Variants in ANKS1B observed in about 807,000 individuals in gnomAD.
The protein encoded by ANKS1B is ankyrin repeat and sterile alpha motif domain containing 1B.
ANKS1B carries 36 observed loss-of-function variants against 148.3 expected under a neutral mutation model. That is an observed-to-expected ratio of 0.24 (90% CI 0.19 to 0.32). The LOEUF is 0.32. Among genes scored for constraint, ANKS1B ranks in the 10% least tolerant of loss-of-function variants. The pLI is 1.00. For missense variants in ANKS1B, 1,157 were observed against 1,542.6 expected (o/e 0.75, Z 4.19); for synonymous variants, 542 against 560.8 (o/e 0.97, Z 0.47).
At chr12:99,394,531 C>A (rs557376143) in intron 12 of ANKS1B, among the ~76,000 whole-genome samples, 1 of 152,020 alleles carries the variant, frequency 6.6e-6, no homozygotes, top group African/African-American at 2.4e-5. Flanking sequence ...GTGACCCCCC[C>A]ACCCCCAATA....
At chr12:98,901,753 A>G (rs1027542653) in intron 17 of ANKS1B, among the ~76,000 whole-genome samples, 6 of 152,154 alleles carry the variant, frequency 3.9e-5, no homozygotes, top group Non-Finnish European at 7.4e-5. Context: ...TTCTCTCTCA[A>G]TGGAATCAAG....
At chr12:99,801,061 T>C (rs1255873403) in intron 4 of ANKS1B, among the ~76,000 whole-genome samples, 1 of 152,170 alleles carries the variant, frequency 6.6e-6, no homozygotes, top group Non-Finnish European at 1.5e-5. Context: ...TATGACTTTG[T>C]ACTTCTTTCC....
intron 16 of ANKS1B, among the ~76,000 whole-genome samples, chr12:99,076,034 G>T (rs1246557584): frequency 1.3e-5 from 2 of 151,856 alleles, no homozygotes; most frequent in Non-Finnish European, 2.9e-5. Flanking sequence ...GAGGGCAAGG[G>T]CTTCATCTAT....
intron 10 of ANKS1B, among the ~76,000 whole-genome samples, chr12:99,472,711 T>C (rs991844692): frequency 3.3e-5 from 5 of 152,022 alleles, no homozygotes; most frequent in African/African-American, 1.2e-4. Context: ...GACTAATAAA[T>C]CACTGAACAG....
chr12:99,237,897 A>G (rs2088329419), intron 14 of ANKS1B, among the ~76,000 whole-genome samples: 1 of 152,228 alleles, frequency 6.6e-6, no homozygotes, highest in South Asian at 2.1e-4. Context: ...GACTACAGGC[A>G]CATGCCTAGC....
At chr12:99,528,765 A>T (rs1467533737) in intron 9 of ANKS1B, among the ~76,000 whole-genome samples, 3 of 148,718 alleles carry the variant, frequency 2.0e-5, no homozygotes. Context: ...AGCTAAAACA[A>T]TAAACAAAGG....
At position 98,801,389 on chromosome 12, in the gene ANKS1B, G is replaced by A. The variant is rs1389872106; in HGVS notation, c.3142-264C>T. Reference sequence around the variant, plus strand: ...GCTAAGTCACTTTAAAATAAAACATGAAGATATTCATAAATGATTTACTAA... The same window carrying A: ...GCTAAGTCACTTTAAAATAAAACATAAAGATATTCATAAATGATTTACTAA... On this transcript the variant is annotated intron_variant, in intron 20 of 26. Coordinates refer to ENST00000683438, the MANE Select transcript of ANKS1B (RefSeq NM_001352186.2). The surrounding 1 kb of genome is among the most constrained non-coding windows in gnomAD (Gnocchi z 5.2). 1.3e-5 allele frequency among the ~76,000 whole-genome samples: 2 copies of A among 152,126 alleles called. No homozygotes were observed. Among genetic ancestry groups the A allele is most frequent in the African/African-American group, 4.8e-5 (2 of 41,432 alleles).
intron 16 of ANKS1B, among the ~76,000 whole-genome samples, chr12:99,080,380 T>G (rs1482828909): frequency 6.6e-6 from 1 of 152,124 alleles, no homozygotes; most frequent in East Asian, 1.9e-4. Context: ...CTCAAGCCCT[T>G]GAGGGATTAG....
Position 99,154,333 on chromosome 12 carries a change from C to T in ANKS1B, c.2482G>A (p.Glu828Lys), listed in dbSNP as rs768871927. ...AATCCATTAGCCATCAGGTGGTTCT[C>T]GTACTGAGGTAGCCCAATGCTTTCC... Reference protein sequence around the residue: ...WLESIGLPQYENHLMANGFDN... With the variant: ...WLESIGLPQYKNHLMANGFDN... Residue 828 changes from glutamate (E) to lysine (K), a missense_variant, in exon 15 of 27, where the codon GAG (glutamate) becomes AAG (lysine). By Grantham distance (56) the Glu-to-Lys change is moderately conservative. Coordinates refer to ENST00000683438, the MANE Select transcript of ANKS1B (RefSeq NM_001352186.2). 5 of 1,613,750 alleles carry T rather than the reference C, an allele frequency of 3.1e-6. No individual in the cohort carries two copies. Among genetic ancestry groups the T allele is most frequent in the Admixed American group, 3.3e-5 (2 of 60,006 alleles).
At chr12:99,134,643 T>TCACA (rs1344848028) in intron 15 of ANKS1B, among the ~76,000 whole-genome samples, 46 of 83,156 alleles carry the variant, frequency 5.5e-4, no homozygotes, top group Non-Finnish European at 8.6e-4. Flanking sequence ...TCTCTCTCTC[T>TCACA]CTCACACACA....
intron 14 of ANKS1B, among the ~76,000 whole-genome samples, chr12:99,180,061 A>G (rs1404256266): frequency 6.6e-6 from 1 of 151,608 alleles, no homozygotes; most frequent in Non-Finnish European, 1.5e-5. Flanking sequence ...GTTTTTGTTC[A>G]TGCTATCCTT....
chr12:99,413,828 C>T (rs2094801458), intron 11 of ANKS1B, among the ~76,000 whole-genome samples: 1 of 152,168 alleles, frequency 6.6e-6, no homozygotes, highest in African/African-American at 2.4e-5. Context: ...TTTACTGATA[C>T]AGGCAACTGT....
chr12:99,407,430 G>C (rs1305796836), intron 11 of ANKS1B, among the ~76,000 whole-genome samples: 1 of 145,568 alleles, frequency 6.9e-6, no homozygotes, highest in Non-Finnish European at 1.5e-5. Flanking sequence ...GGAGAAAACT[G>C]AAAGCCTTTC....
rs57683762 is a variant in ANKS1B at position 99,803,284 on chromosome 12, C to CCG, written c.669+3119_669+3120insCG. ...ATAAAATTAAATATTCACCCCCCCC[C>CCG]AAAAAAAAAGGCAATGAGACCAAAA... is the stretch of plus-strand genomic sequence containing the variant. On this transcript the variant is annotated intron_variant, in intron 4 of 26. Coordinates refer to ENST00000683438, the MANE Select transcript of ANKS1B (RefSeq NM_001352186.2). Among the ~76,000 whole-genome samples the CCG allele has an allele frequency of 7.1e-4, 87 of 121,882 alleles. 3 individuals carry two copies. Among genetic ancestry groups the CCG allele is most frequent in the Non-Finnish European group, 1.3e-3 (75 of 57,450 alleles). 80.0% of individuals were successfully genotyped at this position (121,882 alleles called of 152,430 possible).
At position 98,736,912 on chromosome 12, in the gene ANKS1B, G is replaced by A. The variant is rs377250421; in HGVS notation, c.691-1278C>T. On this transcript the variant is annotated intron_variant, in intron 9 of 9. Coordinates refer to the ANKS1B transcript ENST00000341752. ...CCAAGCACTGTTTTAAGCAGCAGAG[G>A]AAGCAATAAGTAAATACATTTGAGT... 1.3e-3 allele frequency among the ~76,000 whole-genome samples: 198 copies of A among 152,300 alleles called. 1 individual carries two copies. The highest frequency in any genetic ancestry group is 4.6e-3 in the African/African-American group (190 of 41,564).
intron 1 of ANKS1B, among the ~76,000 whole-genome samples, chr12:99,860,267 G>A (rs1255667377): frequency 3.3e-5 from 5 of 152,208 alleles, no homozygotes; most frequent in African/African-American, 1.2e-4. Context: ...ATGAGATCTT[G>A]AGTGGTGTCC....
chr12:99,299,114 G>A (rs2081277523), intron 12 of ANKS1B, among the ~76,000 whole-genome samples: 1 of 151,228 alleles, frequency 6.6e-6, no homozygotes, highest in African/African-American at 2.4e-5. Flanking sequence ...AGACTGGAAT[G>A]TCATGGCACG....
chr12:99,952,934 G>C (rs2153824477), intron 1 of ANKS1B, among the ~76,000 whole-genome samples: 1 of 152,246 alleles, frequency 6.6e-6, no homozygotes. Flanking sequence ...AAGAAGAGGA[G>C]TTTACATGGT....
At chr12:99,751,700 C>T (rs1237351031) in intron 8 of ANKS1B, among the ~76,000 whole-genome samples, 1 of 151,994 alleles carries the variant, frequency 6.6e-6, no homozygotes, top group Non-Finnish European at 1.5e-5. Context: ...ATAGATAATG[C>T]CCTCAAGGGG....
Sources: allele counts gnomAD v4.1 joint callset (sites outside exome capture counted in the v4.1 genomes callset), GRCh38; gene constraint gnomAD v4.1.1; non-coding constraint Gnocchi (gnomAD v3.1); transcripts MANE v1.5; gene names NCBI Gene and HGNC (gene_info 2026-07-23, HGNC 2026-07-21).